The following WDHD1 variants were observed in gnomAD, a reference collection of about 807,000 sequenced individuals.
WDHD1 encodes the protein WD repeat and HMG-box DNA binding protein 1.
WDHD1 carries 111 observed loss-of-function variants against 135.4 expected under a neutral mutation model. That is an observed-to-expected ratio of 0.82 (90% CI 0.70 to 0.96). The LOEUF is 0.96. Among genes scored for constraint, WDHD1 ranks in the 40% least tolerant of loss-of-function variants. The pLI is 0.00. For synonymous variants in WDHD1, 434 were observed against 439.0 expected (o/e 0.99, Z 0.14); for missense variants, 1,351 against 1,336.3 (o/e 1.01, Z -0.17).
chr14:54,980,376 G>A (rs1000093661), intron 16 of WDHD1, among the ~76,000 whole-genome samples: 6 of 151,286 alleles, frequency 4.0e-5, no homozygotes, highest in Admixed American at 3.9e-4. Context: ...ACAGAATTGT[G>A]CATCTATCAA....
chr14:54,950,792 A>ACT (rs2041036693), intron 24 of WDHD1, among the ~76,000 whole-genome samples: 1 of 152,176 alleles, frequency 6.6e-6, no homozygotes, highest in Non-Finnish European at 1.5e-5. Flanking sequence ...ATTATAACAA[A>ACT]CTGTCTCTCA....
chr14:54,961,086 T>A (rs147686808), intron 21 of WDHD1, among the ~76,000 whole-genome samples: 3 of 152,326 alleles, frequency 2.0e-5, no homozygotes, highest in Non-Finnish European at 4.4e-5. Flanking sequence ...GTTACAGACA[T>A]GAGCCATCAC....
chr14:54,976,762 T>C (rs546800872), intron 16 of WDHD1, among the ~76,000 whole-genome samples: 23 of 151,772 alleles, frequency 1.5e-4, no homozygotes, highest in African/African-American at 5.5e-4. Context: ...AATAAATAAA[T>C]AAATGTTCTA....
At chr14:54,957,714 T>TTAGGCAAAATACTCAGAAAACTGAGTA in intron 21 of WDHD1, 79 bp from the exon 22 acceptor site, 1 of 1,164,344 alleles carries the variant, frequency 8.6e-7, no homozygotes, top group African/African-American at 1.6e-5. Context: ...AGACAGAGTA[T>TTAGGCAAAATACTCAGAAAACTGAGTA]TTTAATCCCC....
At chr14:54,980,375 T>C (rs2041597744) in intron 16 of WDHD1, among the ~76,000 whole-genome samples, 1 of 151,840 alleles carries the variant, frequency 6.6e-6, no homozygotes, top group South Asian at 2.1e-4. Flanking sequence ...CACAGAATTG[T>C]GCATCTATCA....
At position 54,963,035 on chromosome 14, in the gene WDHD1, A is replaced by G. The variant is rs1202750668; in HGVS notation, c.2448T>C (p.Ala816=). The G allele has an allele frequency of 1.2e-6, 2 of 1,613,806 alleles. No homozygotes were observed. The highest frequency in any genetic ancestry group is 2.2e-5 in the South Asian group (2 of 91,072). ...LILAQKLSEL[A]VEKAAELTAT... ...CTGTCAATTCGGCTGCCTTCTCTAC[A>G]GCCAGTTCACTTAGTTTTTGAGCCA... Residue 816 remains alanine, a synonymous_variant, in exon 19 of 26, where the codon GCT becomes GCC. Transcript: ENST00000360586.
At chr14:55,001,408 G>GCAC (rs1434895308) in intron 8 of WDHD1, among the ~76,000 whole-genome samples, 1 of 152,066 alleles carries the variant, frequency 6.6e-6, no homozygotes, top group African/African-American at 2.4e-5. Flanking sequence ...CTACAGGCAT[G>GCAC]CACCACCACA....
At chr14:54,941,712 A>G in intron 25 of WDHD1, 22 bp from the exon 26 acceptor site, 7 of 1,577,316 alleles carry the variant, frequency 4.4e-6, no homozygotes, top group Non-Finnish European at 6.0e-6. Flanking sequence ...GGCAGGAGTG[A>G]AAAGGAAAGA....
At chr14:55,014,494 CCAAA>C (rs1373756551) in intron 2 of WDHD1, among the ~76,000 whole-genome samples, 2 of 152,124 alleles carry the variant, frequency 1.3e-5, no homozygotes, top group Non-Finnish European at 2.9e-5. Context: ...ATCCCTAGCA[CCAAA>C]CAGTCTCTGA....
rs1235017285 is a variant in WDHD1 at position 55,008,652 on chromosome 14, C to T, written c.409G>A (p.Ala137Thr). The change falls in exon 5 of 26, where the codon GCC becomes ACC. Residue 137 changes from alanine to threonine, a missense_variant. Ala to Thr is a moderately conservative substitution (Grantham distance 58). This residue lies in a region of WDHD1 where 1,330 missense variants were observed against 1,296.1 expected (regional missense o/e 1.03). Coordinates refer to ENST00000360586, the MANE Select transcript of WDHD1 (RefSeq NM_007086.4). ...TCAAAGGAAAGACTTAAAACAGGGGCATCATGTCCTCGAAATGTTTTCTGT... is the reference window on the plus strand; with the variant it reads ...TCAAAGGAAAGACTTAAAACAGGGGTATCATGTCCTCGAAATGTTTTCTGT... ...SQQKTFRGHDAPVLSLSFDPK... is the reference protein window; with the variant it reads ...SQQKTFRGHDTPVLSLSFDPK... 4 of 1,613,016 alleles carry T rather than the reference C, an allele frequency of 2.5e-6. No homozygotes were observed. Among genetic ancestry groups the T allele is most frequent in the African/African-American group, 1.3e-5 (1 of 74,874 alleles).
chr14:54,944,618 T>A (rs1427071006), intron 24 of WDHD1, 148 bp from the exon 25 acceptor site: 7 of 234,770 alleles, frequency 3.0e-5, no homozygotes, highest in African/African-American at 4.7e-5. Context: ...TCATGTTACT[T>A]TTTTTTTTTT....
In WDHD1 at chr14:54,963,669, G is replaced by A. The variant is rs144095527; in HGVS notation, c.2311-497C>T. On this transcript the variant is annotated intron_variant, in intron 18 of 25. Transcript: ENST00000360586. ...AACACAATTAGCCAGGCGTGGTGGC[G>A]TGCGCCTGTAATCCCAGCTACTCGG... 1.3e-3 allele frequency among the ~76,000 whole-genome samples: 193 copies of A among 150,906 alleles called. 1 individual carries two copies. The highest frequency in any genetic ancestry group is 7.1e-3 in the East Asian group (36 of 5,062).
chr14:55,016,078 G>GA (rs2042258038), intron 2 of WDHD1, among the ~76,000 whole-genome samples: 1 of 152,210 alleles, frequency 6.6e-6, no homozygotes, highest in African/African-American at 2.4e-5. Context: ...GGGACCAATG[G>GA]AAAATTATAG....
chr14:55,002,165 T>C lies in WDHD1; in HGVS notation c.621A>G (p.Glu207=). The C allele has an allele frequency of 1.2e-6, 2 of 1,600,904 alleles. No homozygotes were observed. The highest frequency in any genetic ancestry group is 1.7e-6 in the Non-Finnish European group (2 of 1,175,626). ...KSGKLLAIPV[E]KSVKLYRRES... is the part of the protein sequence containing the mutation. ...CTCTTCTATATAGCTTAACAGATTT[T>C]TCCACAGGAATTGCCAGTAACTATT... The change falls in exon 8 of 26, where the codon GAA becomes GAG. Residue 207 remains glutamate, a synonymous_variant. Coordinates refer to ENST00000360586, the MANE Select transcript of WDHD1 (RefSeq NM_007086.4).
At chr14:55,011,812 T>C (rs768818439) in intron 3 of WDHD1, among the ~76,000 whole-genome samples, 2 of 152,222 alleles carry the variant, frequency 1.3e-5, no homozygotes, top group African/African-American at 2.4e-5. Context: ...AATGGCTGCA[T>C]AGTATTCCAT....
At position 55,010,467 on chromosome 14, in the gene WDHD1, G is replaced by GAA. The variant is rs1227349589; in HGVS notation, c.190-9_190-8dup. The GAA allele has an allele frequency of 6.4e-7, 1 of 1,554,330 alleles. No individual in the cohort carries two copies. The highest frequency in any genetic ancestry group is 2.3e-5 in the East Asian group (1 of 42,992). ...CAGTGACCAGTTTTCCACTCTAAAA[G>GAA]AAAAATTAAGGTAAGAAACATTAGC... On this transcript the variant is annotated splice_polypyrimidine_tract_variant and splice_region_variant and intron_variant, in intron 3 of 25. Transcript: ENST00000360586.
chr14:55,019,807 T>A (rs1228897322), intron 2 of WDHD1, among the ~76,000 whole-genome samples: 1 of 152,140 alleles, frequency 6.6e-6, no homozygotes, highest in African/African-American at 2.4e-5. Flanking sequence ...AGGCAGAGGT[T>A]ACAGTGAGCC....
intron 24 of WDHD1, among the ~76,000 whole-genome samples, chr14:54,950,699 T>C (rs2041033514): frequency 6.6e-6 from 1 of 152,182 alleles, no homozygotes; most frequent in South Asian, 2.1e-4. Flanking sequence ...TATACATTCT[T>C]CTGAGCACCA....
rs1463355148 is a variant in WDHD1, at chr14:54,978,278, A to G, written c.2063+3262T>C. On this transcript the variant is annotated intron_variant, in intron 16 of 25. Transcript: ENST00000360586. ...ATCACTGAGAACAACCTACACTATA[A>G]GAACTACTAAAAATAGTGAATGTGG... is the stretch of plus-strand genomic sequence containing the variant. 3.3e-5 allele frequency among the ~76,000 whole-genome samples: 5 copies of G among 152,326 alleles called. No homozygotes were observed. The East Asian group carries it at 9.6e-4, about 29-fold the overall frequency.
Sources: allele counts gnomAD v4.1 joint callset (sites outside exome capture counted in the v4.1 genomes callset), GRCh38; gene constraint gnomAD v4.1.1; regional missense constraint gnomAD v4.1.1; transcripts MANE v1.5; gene names NCBI Gene and HGNC (gene_info 2026-07-23, HGNC 2026-07-21).